ATP8B1: variants seen among roughly 807,000 people sequenced by gnomAD.
ATP8B1 encodes ATPase phospholipid transporting 8B1, also known as phospholipid-transporting ATPase IC.
In ATP8B1, 80 loss-of-function variants were observed where a neutral mutation model predicts 149.9. The observed-to-expected ratio is 0.53, with a 90% CI of 0.45 to 0.64. ATP8B1 has a LOEUF of 0.64. Ranked by LOEUF, ATP8B1 falls within the 30% of genes least tolerant of loss-of-function variation. The probability of loss-of-function intolerance (pLI) is 0.00; values close to 1 mark genes in which losing one functional copy is unlikely to be tolerated. For missense variants in ATP8B1, 1,247 were observed against 1,552.6 expected, an observed-to-expected ratio of 0.80 and a Z score of 3.31; for synonymous variants, 536 against 562.8, an observed-to-expected ratio of 0.95 and a Z score of 0.67.
intron 26 of ATP8B1, 51 bp downstream of exon 26, chr18:57,651,983 A>T: frequency 6.3e-7 from 1 of 1,581,312 alleles, no homozygotes; most frequent in Non-Finnish European, 8.7e-7. Flanking sequence ...TCAAAATCTA[A>T]ACTAATGACA....
intron 2 of ATP8B1, among the ~76,000 whole-genome samples, chr18:57,719,401 G>A (rs988668582): frequency 3.9e-5 from 6 of 152,278 alleles, no homozygotes; most frequent in East Asian, 3.9e-4. Context: ...CAGTGGGTGC[G>A]CGCACTGTGC....
chr18:57,661,055 T>G, intron 22 of ATP8B1, 119 bp downstream of exon 22: 1 of 1,344,946 alleles, frequency 7.4e-7, no homozygotes, highest in Non-Finnish European at 1.0e-6. Context: ...TTATGAAACA[T>G]CTGCTCTATG....
intron 1 of ATP8B1, among the ~76,000 whole-genome samples, chr18:57,743,077 A>G (rs997561371): frequency 5.3e-5 from 8 of 152,166 alleles, no homozygotes; most frequent in African/African-American, 1.7e-4. Context: ...GATTTTTCAT[A>G]CAGATTGTCT....
Position 57,695,550 on chromosome 18 carries a change from AAATG to A in ATP8B1, c.699-22_699-19del. On this transcript the variant is annotated intron_variant, in intron 8 of 27. Transcript: ENST00000648908. ...TGGTTTCTCTAAAGGAATGGGGAAA[AAATG>A]AATTAAATGAACAAATTTTTGAGTT... The A allele has an allele frequency of 1.3e-6, 2 of 1,571,442 alleles. No individual in the cohort carries two copies. Among genetic ancestry groups the A allele is most frequent in the Non-Finnish European group, 1.8e-6 (2 of 1,142,096 alleles).
intron 1 of ATP8B1, among the ~76,000 whole-genome samples, chr18:57,779,638 G>A (rs1223083015): frequency 3.9e-5 from 6 of 152,174 alleles, no homozygotes; most frequent in South Asian, 2.1e-4. Flanking sequence ...GGCGGCTCAC[G>A]CCTGTAATCC....
intron 16 of ATP8B1, 148 bp downstream of exon 16, chr18:57,674,686 A>G (rs1228115196): frequency 1.1e-6 from 1 of 939,012 alleles, no homozygotes; most frequent in African/African-American, 1.6e-5. Flanking sequence ...ACGCCCAGCC[A>G]ACAATACCAG....
chr18:57,696,276 G>A (rs1005284201), intron 8 of ATP8B1, among the ~76,000 whole-genome samples: 2 of 151,278 alleles, frequency 1.3e-5, no homozygotes, highest in African/African-American at 2.5e-5. Flanking sequence ...ATAAACAGTC[G>A]GGCGCCGCGG....
At chr18:57,725,645 A>G (rs1283594334) in intron 2 of ATP8B1, among the ~76,000 whole-genome samples, 1 of 152,244 alleles carries the variant, frequency 6.6e-6, no homozygotes, top group Non-Finnish European at 1.5e-5. Context: ...ACAGAGCTAT[A>G]ATAACCAAAA....
At chr18:57,648,894 G>A (rs1599061874) in intron 27 of ATP8B1, among the ~76,000 whole-genome samples, 182 bp from the exon 28 acceptor site, 1 of 105,304 alleles carries the variant, frequency 9.5e-6, no homozygotes, top group Non-Finnish European at 2.1e-5. Context: ...GTGTATGTGT[G>A]TCTATATCTT....
At chr18:57,723,859 G>T (rs1315506393) in intron 2 of ATP8B1, among the ~76,000 whole-genome samples, 1 of 149,100 alleles carries the variant, frequency 6.7e-6, no homozygotes, top group Non-Finnish European at 1.5e-5. Context: ...ATACTACAAG[G>T]CTACAGTAAC....
intron 3 of ATP8B1, among the ~76,000 whole-genome samples, chr18:57,706,225 A>C (rs572600929): frequency 1.3e-5 from 2 of 152,324 alleles, no homozygotes; most frequent in East Asian, 3.9e-4. Flanking sequence ...ATATTCTTTC[A>C]TAAAACATTT....
intron 1 of ATP8B1, among the ~76,000 whole-genome samples, chr18:57,764,115 G>A (rs1056589855): frequency 1.3e-5 from 2 of 152,190 alleles, no homozygotes; most frequent in Non-Finnish European, 2.9e-5. Flanking sequence ...CGCTTTAGCA[G>A]TCTTTTGTAT....
intron 22 of ATP8B1, among the ~76,000 whole-genome samples, chr18:57,655,651 G>A (rs1455525172): frequency 6.6e-6 from 1 of 152,176 alleles, no homozygotes; most frequent in African/African-American, 2.4e-5. Context: ...ATCTGGGAAA[G>A]GATCTCATGT....
chr18:57,787,377 C>G (rs1285832211), intron 1 of ATP8B1, among the ~76,000 whole-genome samples: 2 of 152,094 alleles, frequency 1.3e-5, no homozygotes, highest in Non-Finnish European at 2.9e-5. Flanking sequence ...ATCTAGAGCA[C>G]TGCGAGAGGA....
At chr18:57,682,294 G>A (rs1437495516) in intron 15 of ATP8B1, among the ~76,000 whole-genome samples, 1 of 152,090 alleles carries the variant, frequency 6.6e-6, no homozygotes, top group Non-Finnish European at 1.5e-5. Context: ...GTAAGCCACC[G>A]CGCCCAGCCC....
At chr18:57,757,897 C>G (rs987803817) in intron 1 of ATP8B1, among the ~76,000 whole-genome samples, 1 of 152,212 alleles carries the variant, frequency 6.6e-6, no homozygotes, top group East Asian at 1.9e-4. Context: ...TTTTTCTCCC[C>G]TCTTCACTGT....
chr18:57,671,618 G>A (rs748065261), intron 16 of ATP8B1, 38 bp from the exon 17 acceptor site: 6 of 1,402,124 alleles, frequency 4.3e-6, no homozygotes, highest in Non-Finnish European at 6.1e-6. Context: ...AACAAAGTTT[G>A]ATTTTTTATA....
chr18:57,661,696 C>CATATATAT (rs1555688767), intron 21 of ATP8B1, among the ~76,000 whole-genome samples: 62 of 90,378 alleles, frequency 6.9e-4, no homozygotes, highest in African/African-American at 1.8e-3. Flanking sequence ...CACACACACA[C>CATATATAT]ATATATATAT....
chr18:57,664,214 A>G (rs1910710588), intron 20 of ATP8B1, among the ~76,000 whole-genome samples: 1 of 151,960 alleles, frequency 6.6e-6, no homozygotes, highest in Non-Finnish European at 1.5e-5. Flanking sequence ...AACAGAAGAA[A>G]GGCAATCTTA....
Sources: allele counts gnomAD v4.1 joint callset (sites outside exome capture counted in the v4.1 genomes callset), GRCh38; gene constraint gnomAD v4.1.1; transcripts MANE v1.5; gene names NCBI Gene and HGNC (gene_info 2026-07-23, HGNC 2026-07-21).